DOK6: variants seen among roughly 807,000 people sequenced by gnomAD.
The protein encoded by DOK6 is downstream of tyrosine kinase 6.
DOK6 carries 22 observed loss-of-function variants against 44.0 expected under a neutral mutation model. The observed-to-expected ratio is 0.50, with a 90% CI of 0.36 to 0.71. DOK6 has a LOEUF of 0.71. DOK6 is among the 30% of genes least tolerant of loss of function. DOK6 has a pLI of 0.00. For missense variants in DOK6, 340 were observed against 416.4 expected, an observed-to-expected ratio of 0.82 and a Z score of 1.60; for synonymous variants, 166 against 145.5, an observed-to-expected ratio of 1.14 and a Z score of -1.01.
At chr18:69,633,880 A>G (rs1483537326) in intron 3 of DOK6, among the ~76,000 whole-genome samples, 1 of 152,214 alleles carries the variant, frequency 6.6e-6, no homozygotes, top group Non-Finnish European at 1.5e-5. Flanking sequence ...TAAGGGAAAC[A>G]GAATTTGAAG....
chr18:69,643,782 A>G (rs1256590280), intron 3 of DOK6: 2 of 152,172 alleles, frequency 1.3e-5, no homozygotes, highest in Non-Finnish European at 2.9e-5. Flanking sequence ...CTAATTGCTG[A>G]TTCTTAAGGT....
intron 1 of DOK6, among the ~76,000 whole-genome samples, chr18:69,428,665 A>C (rs1978711246): frequency 6.6e-6 from 1 of 152,168 alleles, no homozygotes. Context: ...ATAAAATACC[A>C]AAAATAATAA....
chr18:69,571,974 C>T (rs1200665690), intron 2 of DOK6, among the ~76,000 whole-genome samples: 9 of 151,996 alleles, frequency 5.9e-5, no homozygotes, highest in South Asian at 2.1e-4. Context: ...AAGTAGACCA[C>T]GTTCAAGAAT....
chr18:69,597,944 A>G (rs1983784670), intron 2 of DOK6, among the ~76,000 whole-genome samples: 1 of 152,226 alleles, frequency 6.6e-6, no homozygotes, highest in African/African-American at 2.4e-5. Context: ...AACTTTAAAA[A>G]ATACCTGATG....
intron 5 of DOK6, among the ~76,000 whole-genome samples, chr18:69,736,901 C>T (rs905181678): frequency 1.2e-4 from 18 of 152,110 alleles, no homozygotes; most frequent in African/African-American, 4.3e-4. Flanking sequence ...TGTGAGTCAC[C>T]TTGGGGTGTG....
chr18:69,489,668 A>G (rs1980680261), intron 1 of DOK6, among the ~76,000 whole-genome samples: 1 of 152,160 alleles, frequency 6.6e-6, no homozygotes, highest in African/African-American at 2.4e-5. Flanking sequence ...ACAGAATAAA[A>G]TTTACATTTG....
Position 69,401,348 on chromosome 18 carries a change from C to G in DOK6, c.66+38C>G, listed in dbSNP as rs761103309. On this transcript the variant is annotated intron_variant, in intron 1 of 7. Transcript: ENST00000382713. ...CTCGGCTTGCTCCTTCCCCGGCGCT[C>G]GTTCGGCCCGGCTGGCTGCCTGGGG... 6.9e-6 allele frequency: 10 copies of G among 1,450,422 alleles called. No homozygotes were observed. In the African/African-American group the frequency reaches 1.2e-4, roughly 18 times the overall value. The allele number at this position is 1,450,422 out of a possible 1,614,324, so 89.8% of individuals were successfully genotyped here. A position where few individuals can be genotyped will look rare whatever the true frequency, so the allele number is the denominator to read the frequency against.
At chr18:69,718,329 AC>A (rs1460712045) in intron 5 of DOK6, among the ~76,000 whole-genome samples, 3 of 152,000 alleles carry the variant, frequency 2.0e-5, no homozygotes. Context: ...TAAGTCCCCA[AC>A]CCCCCAAAAG....
chr18:69,401,062 G>C lies in DOK6; in HGVS notation c.-183G>C, dbSNP rs1275365692. The C allele has an allele frequency of 3.3e-6, 1 of 303,750 alleles. No homozygotes were observed. The highest frequency in any genetic ancestry group is 5.7e-5 in the Admixed American group (1 of 17,444). The allele number at this position is 303,750 out of a possible 1,614,324, so 18.8% of individuals were successfully genotyped here. ...CTCGCGGCGCCGGGCCCCGTTCCCC[G>C]TCCGCGGCGGCCCTGCAGGCGACCC... is the stretch of plus-strand genomic sequence containing the variant. On this transcript the variant is annotated 5_prime_UTR_variant, in exon 1 of 8. Transcript: ENST00000382713.
chr18:69,559,926 G>A lies in DOK6; in HGVS notation c.67-4561G>A, dbSNP rs117947522. Among the ~76,000 whole-genome samples, 980 of 152,162 alleles carry A rather than the reference G, an allele frequency of 6.4e-3. 11 individuals carry two copies. Among genetic ancestry groups the A allele is most frequent in the South Asian group, 0.013 (62 of 4,820 alleles). On this transcript the variant is annotated intron_variant, in intron 1 of 7. Coordinates refer to ENST00000382713, the MANE Select transcript of DOK6 (RefSeq NM_152721.6). Reference sequence around the variant, plus strand: ...GTAAGAGCACTAATCCCATTATCAAGGCTCAACCCTCATGACCCCATGTAA... The same window carrying A: ...GTAAGAGCACTAATCCCATTATCAAAGCTCAACCCTCATGACCCCATGTAA...
rs1221618575 is a variant in DOK6 at position 69,686,981 on chromosome 18, AC to A, written c.409+9129del. Among the ~76,000 whole-genome samples the A allele has an allele frequency of 2.2e-4, 34 of 152,284 alleles. No homozygotes were observed. In the Middle Eastern group the frequency reaches 0.01, roughly 46 times the overall value. On this transcript the variant is annotated intron_variant, in intron 4 of 7. Transcript: ENST00000382713. Reference sequence around the variant, plus strand: ...CCAAATAGTTGTTAAGTTATATCAGACACTTAAATAAGAAATAATACTAATG... The same window carrying A: ...CCAAATAGTTGTTAAGTTATATCAGAACTTAAATAAGAAATAATACTAATG...
chr18:69,612,454 CGA>C (rs556643456), intron 3 of DOK6, among the ~76,000 whole-genome samples: 8 of 146,414 alleles, frequency 5.5e-5, no homozygotes, highest in African/African-American at 2.0e-4. Context: ...CGCATGTGTG[CGA>C]GCGTGCATAT....
chr18:69,723,967 C>T (rs1326616305), intron 5 of DOK6, among the ~76,000 whole-genome samples: 1 of 152,158 alleles, frequency 6.6e-6, no homozygotes, highest in African/African-American at 2.4e-5. Flanking sequence ...TCCTAGTGCA[C>T]CGCAACCTTG....
At chr18:69,807,932 C>T (rs529751354) in intron 7 of DOK6, among the ~76,000 whole-genome samples, 2 of 151,712 alleles carry the variant, frequency 1.3e-5, no homozygotes, top group East Asian at 1.9e-4. Context: ...TAAACTATAC[C>T]TTAGACCAAA....
chr18:69,794,633 C>G lies in DOK6; in HGVS notation c.856+36760C>G, dbSNP rs76521894. On this transcript the variant is annotated intron_variant, in intron 7 of 7. Transcript: ENST00000382713. ...CCAGATAGGATGCAAAGCAGGGGTC[C>G]CAATCACCAGGCCAAAGACCAATAC... Among the ~76,000 whole-genome samples the G allele has an allele frequency of 9.3e-3, 1,413 of 152,156 alleles. 55 individuals carry two copies. The highest frequency in any genetic ancestry group is 0.074 in the Admixed American group (1,125 of 15,262).
At chr18:69,517,334 A>C (rs1335895820) in intron 1 of DOK6, among the ~76,000 whole-genome samples, 1 of 152,190 alleles carries the variant, frequency 6.6e-6, no homozygotes, top group Non-Finnish European at 1.5e-5. Context: ...GGAAAAAAAA[A>C]CATTGTTTTG....
intron 3 of DOK6, among the ~76,000 whole-genome samples, chr18:69,612,468 T>TGCGAGGGCG (rs1351653077): frequency 6.7e-6 from 1 of 149,726 alleles, no homozygotes; most frequent in African/African-American, 2.5e-5. Flanking sequence ...CGTGCATATG[T>TGCGAGGGCG]ATTTCTTGCT....
chr18:69,737,419 C>T (rs1978648102), intron 5 of DOK6, among the ~76,000 whole-genome samples: 1 of 152,150 alleles, frequency 6.6e-6, no homozygotes, highest in African/African-American at 2.4e-5. Flanking sequence ...AAACTGCCCC[C>T]TGATCCATTC....
chr18:69,572,299 A>C (rs1322221435), intron 2 of DOK6, among the ~76,000 whole-genome samples: 1 of 152,144 alleles, frequency 6.6e-6, no homozygotes, highest in Non-Finnish European at 1.5e-5. Context: ...GGTAGAACTC[A>C]TGCATGATCT....
Sources: allele counts gnomAD v4.1 joint callset (sites outside exome capture counted in the v4.1 genomes callset), GRCh38; gene constraint gnomAD v4.1.1; transcripts MANE v1.5; gene names NCBI Gene and HGNC (gene_info 2026-07-23, HGNC 2026-07-21).